FSTL5: variants seen among roughly 807,000 people sequenced by gnomAD.
FSTL5 encodes the protein follistatin like 5, also known as follistatin-related protein 5.
FSTL5 carries 62 observed loss-of-function variants against 89.1 expected under a neutral mutation model. The ratio of observed to expected loss-of-function variants is 0.70; its 90% CI spans 0.57 to 0.86. The LOEUF (loss-of-function observed/expected upper bound fraction) is 0.86. Among genes scored for constraint, FSTL5 ranks in the 40% least tolerant of loss-of-function variants. The probability of loss-of-function intolerance (pLI) is 0.00; values close to 1 mark genes in which losing one functional copy is unlikely to be tolerated. For synonymous variants in FSTL5, 383 were observed against 346.2 expected (o/e 1.11, Z -1.18); for missense variants, 1,057 against 1,001.6 (o/e 1.06, Z -0.75).
chr4:162,163,452 A>T (rs1235539256), intron 1 of FSTL5, among the ~76,000 whole-genome samples, 163 bp downstream of exon 1: 1 of 139,612 alleles, frequency 7.2e-6, no homozygotes, highest in Non-Finnish European at 1.5e-5. Flanking sequence ...AATAATAATA[A>T]TAATAATAAT....
At chr4:161,405,937 G>C (rs1174471653) in intron 15 of FSTL5, among the ~76,000 whole-genome samples, 1 of 152,100 alleles carries the variant, frequency 6.6e-6, no homozygotes, top group African/African-American at 2.4e-5. Context: ...CACAAAACTA[G>C]TCTTCAAAAA....
intron 3 of FSTL5, among the ~76,000 whole-genome samples, chr4:161,929,413 C>G (rs1424668306): frequency 1.3e-5 from 2 of 151,560 alleles, no homozygotes; most frequent in African/African-American, 4.8e-5. Context: ...ATATGCCTGT[C>G]TTCTTCTCCT....
chr4:162,142,821 T>C (rs1055959534), intron 1 of FSTL5, among the ~76,000 whole-genome samples: 1 of 152,196 alleles, frequency 6.6e-6, no homozygotes, highest in Non-Finnish European at 1.5e-5. Flanking sequence ...CTATGTGACT[T>C]TAGTCAAATT....
At chr4:161,721,007 G>A (rs868785894) in intron 6 of FSTL5, among the ~76,000 whole-genome samples, 1 of 152,020 alleles carries the variant, frequency 6.6e-6, no homozygotes, top group Non-Finnish European at 1.5e-5. Context: ...GGCCGGGCGC[G>A]GTGGCTCACG....
chr4:161,654,567 C>T (rs1029407833), intron 7 of FSTL5, among the ~76,000 whole-genome samples: 1 of 151,978 alleles, frequency 6.6e-6, no homozygotes, highest in Non-Finnish European at 1.5e-5. Context: ...CTTAGAAAAG[C>T]TCTATCAAAA....
rs1184181816 is a variant in FSTL5 at position 161,385,557 on chromosome 4, T to G, written c.*190A>C. The G allele has an allele frequency of 3.8e-6, 2 of 525,700 alleles. No individual in the cohort carries two copies. Among genetic ancestry groups the G allele is most frequent in the African/African-American group, 3.8e-5 (2 of 52,352 alleles). 32.6% of individuals were successfully genotyped at this position (525,700 alleles called of 1,614,324 possible). ...CATTAAATATTGTGCTGAGTATTTCTAATTAACCAATATAATTAATTGTGT... is the reference window on the plus strand; with the variant it reads ...CATTAAATATTGTGCTGAGTATTTCGAATTAACCAATATAATTAATTGTGT... On this transcript the variant is annotated 3_prime_UTR_variant, in exon 16 of 16. Coordinates refer to ENST00000306100, the MANE Select transcript of FSTL5 (RefSeq NM_020116.5).
At chr4:161,593,485 A>G (rs67074617) in intron 7 of FSTL5, among the ~76,000 whole-genome samples, 26,099 of 151,630 alleles carry the variant, frequency 0.17, 2,347 homozygotes, top group Middle Eastern at 0.32. Flanking sequence ...TCTGACAGAG[A>G]AAAAAAGATC....
At chr4:161,682,919 G>A (rs1737574576) in intron 6 of FSTL5, among the ~76,000 whole-genome samples, 1 of 151,854 alleles carries the variant, frequency 6.6e-6, no homozygotes, top group South Asian at 2.1e-4. Context: ...GCTAATTTTT[G>A]TATTTTTAGT....
At chr4:161,731,860 G>A (rs1040739721) in intron 6 of FSTL5, among the ~76,000 whole-genome samples, 5 of 151,854 alleles carry the variant, frequency 3.3e-5, no homozygotes, top group African/African-American at 1.2e-4. Flanking sequence ...GTGGCATTTT[G>A]TTGTAAAGAT....
rs527782671 is a variant in FSTL5, at chr4:161,774,185, C to T, written c.606+1693G>A. ...GCAAGACTAGGTAAAGATAAACACACAGGGAGGACAACATGTGACTATAGA... is the reference window on the plus strand; with the variant it reads ...GCAAGACTAGGTAAAGATAAACACATAGGGAGGACAACATGTGACTATAGA... On this transcript the variant is annotated intron_variant, in intron 5 of 15. Coordinates refer to ENST00000306100, the MANE Select transcript of FSTL5 (RefSeq NM_020116.5). Among the ~76,000 whole-genome samples the T allele has an allele frequency of 4.6e-5, 7 of 152,250 alleles. No individual in the cohort carries two copies. In the South Asian group the frequency reaches 1.5e-3, roughly 32 times the overall value.
At chr4:161,600,558 A>G (rs10517746) in intron 7 of FSTL5, among the ~76,000 whole-genome samples, 26,487 of 152,092 alleles carry the variant, frequency 0.17, 2,822 homozygotes, top group Non-Finnish European at 0.22. Flanking sequence ...CTCAAAGTAA[A>G]TAGCTTCCCC....
chr4:161,733,880 A>G (rs1739699585), intron 6 of FSTL5, among the ~76,000 whole-genome samples: 1 of 152,064 alleles, frequency 6.6e-6, no homozygotes, highest in South Asian at 2.1e-4. Context: ...GGAGTTATCT[A>G]GACTAAACCT....
At chr4:161,636,446 G>GT (rs796867744) in intron 7 of FSTL5, among the ~76,000 whole-genome samples, 14,057 of 109,358 alleles carry the variant, frequency 0.13, 797 homozygotes, top group South Asian at 0.25. Flanking sequence ...TCTGGCAGTT[G>GT]TTTTTTTTTT....
chr4:161,519,201 G>A (rs1038196152), intron 10 of FSTL5, among the ~76,000 whole-genome samples: 1 of 152,166 alleles, frequency 6.6e-6, no homozygotes, highest in Non-Finnish European at 1.5e-5. Flanking sequence ...GGTGTGTATT[G>A]CAAGAGATGA....
intron 12 of FSTL5, among the ~76,000 whole-genome samples, chr4:161,484,466 C>T (rs1357007761): frequency 6.6e-6 from 1 of 152,086 alleles, no homozygotes; most frequent in African/African-American, 2.4e-5. Context: ...ATTCACATTG[C>T]CCCATAAATT....
intron 7 of FSTL5, among the ~76,000 whole-genome samples, chr4:161,614,250 G>A (rs1734762198): frequency 2.0e-5 from 3 of 151,964 alleles, no homozygotes; most frequent in South Asian, 4.1e-4. Context: ...GTATGAATTC[G>A]GAAAAAATTT....
rs1203046031 is a variant in FSTL5 at position 161,615,293 on chromosome 4, C to CAAAAAAAAA, written c.895-27727_895-27719dup. On this transcript the variant is annotated intron_variant, in intron 7 of 15. Transcript: ENST00000306100. The stretch of plus-strand genomic sequence containing the variant: ...TGGGCAACAGAGGGAGACTCTGTCT[C>CAAAAAAAAA]AAAAAAAAAAAAAAAAAAAAAAATT... Among the ~76,000 whole-genome samples the CAAAAAAAAA allele has an allele frequency of 1.1e-3, 28 of 26,448 alleles. 2 individuals carry two copies. Among genetic ancestry groups the CAAAAAAAAA allele is most frequent in the African/African-American group, 2.9e-3 (20 of 7,010 alleles). 17.4% of individuals were successfully genotyped at this position (26,448 alleles called of 152,430 possible).
intron 15 of FSTL5, among the ~76,000 whole-genome samples, chr4:161,443,410 G>C (rs1040215310): frequency 6.6e-6 from 1 of 151,994 alleles, no homozygotes; most frequent in South Asian, 2.1e-4. Flanking sequence ...GTAAGCGGCA[G>C]AACATGAATT....
At chr4:161,631,130 C>T (rs1215512179) in intron 7 of FSTL5, among the ~76,000 whole-genome samples, 1 of 152,118 alleles carries the variant, frequency 6.6e-6, no homozygotes, top group African/African-American at 2.4e-5. Flanking sequence ...ATACCAAGAT[C>T]CACTACAGCA....
Sources: allele counts gnomAD v4.1 joint callset (sites outside exome capture counted in the v4.1 genomes callset), GRCh38; gene constraint gnomAD v4.1.1; transcripts MANE v1.5; gene names NCBI Gene and HGNC (gene_info 2026-07-23, HGNC 2026-07-21).